Variants in CACNA1D observed in about 807,000 individuals in gnomAD.
CACNA1D encodes calcium voltage-gated channel subunit alpha1 D, also known as voltage-dependent L-type calcium channel subunit alpha-1D.
CACNA1D carries 55 observed loss-of-function variants against 257.1 expected under a neutral mutation model. The observed-to-expected ratio is 0.21, with a 90% CI of 0.17 to 0.27. The LOEUF (loss-of-function observed/expected upper bound fraction) is 0.27. CACNA1D is among the 10% of genes least tolerant of loss of function. CACNA1D has a pLI of 1.00. For synonymous variants in CACNA1D, 980 were observed against 1,014.9 expected (o/e 0.97, Z 0.65); for missense variants, 1,876 against 2,784.0 (o/e 0.67, Z 7.34).
At chr3:53,586,183 C>T (rs1050111692) in intron 3 of CACNA1D, among the ~76,000 whole-genome samples, 32 of 151,892 alleles carry the variant, frequency 2.1e-4, no homozygotes, top group Non-Finnish European at 4.4e-5. Context: ...AGAGAAGGGG[C>T]TGGGGGACAA....
chr3:53,742,185 C>T (rs905816980), intron 21 of CACNA1D, among the ~76,000 whole-genome samples: 2 of 152,152 alleles, frequency 1.3e-5, no homozygotes, highest in Non-Finnish European at 2.9e-5. Flanking sequence ...TGAACACTGG[C>T]GATTTCATAA....
At position 53,723,974 on chromosome 3, in the gene CACNA1D, C is replaced by G. The variant is rs1411664894; in HGVS notation, c.2075C>G (p.Pro692Arg). ...QTKRSTFDNF[P>R]QALLTVFQIL... ...AAGCGGAGCACCTTTGACAATTTCC[C>G]TCAAGCACTTCTCACAGTGTTCCAG... is the stretch of plus-strand genomic sequence containing the variant. The change falls in exon 14 of 48, where the codon CCT (proline) becomes CGT (arginine). Residue 692 changes from proline (P) to arginine (R), a missense_variant. Pro to Arg is a moderately radical substitution (Grantham distance 103). Around this residue, in one of 10 missense-constraint regions of CACNA1D, gnomAD observed 257 missense variants for 399.7 expected, o/e 0.64. Coordinates refer to ENST00000350061, the MANE Select transcript of CACNA1D (RefSeq NM_001128840.3). This position sits in a 1 kb window ranked among gnomAD's most constrained non-coding sequence, Gnocchi z 5.6. 1.2e-6 allele frequency: 2 copies of G among 1,614,150 alleles called. No individual in the cohort carries two copies. The highest frequency in any genetic ancestry group is 3.3e-5 in the Admixed American group (2 of 60,024).
intron 43 of CACNA1D, 79 bp downstream of exon 43, chr3:53,802,252 G>T: frequency 1.8e-6 from 2 of 1,100,730 alleles, no homozygotes; most frequent in South Asian, 2.5e-5. Context: ...GCTGAAGAAT[G>T]AGAAACACTT....
chr3:53,645,286 G>A (rs932123591), intron 3 of CACNA1D, among the ~76,000 whole-genome samples: 4 of 152,052 alleles, frequency 2.6e-5, no homozygotes, highest in Admixed American at 6.6e-5. Flanking sequence ...TATTCTGGTG[G>A]TTTTCCCTTT....
At chr3:53,747,139 G>A (rs55954338) in intron 25 of CACNA1D, among the ~76,000 whole-genome samples, 163 bp from the exon 26 acceptor site, 183 of 152,344 alleles carry the variant, frequency 1.2e-3, no homozygotes, top group Middle Eastern at 0.01. Context: ...AATGGAGGGC[G>A]AGGAGAGGAG....
At chr3:53,750,096 CTT>C (rs989756468) in intron 27 of CACNA1D, among the ~76,000 whole-genome samples, 1 of 152,218 alleles carries the variant, frequency 6.6e-6, no homozygotes, top group African/African-American at 2.4e-5. Flanking sequence ...AAGTCAGTAA[CTT>C]TGAATTTGGG....
rs932356689 is a variant in CACNA1D at position 53,798,771 on chromosome 3, G to T, written c.4924-1478G>T. On this transcript the variant is annotated intron_variant, in intron 40 of 47. Transcript: ENST00000350061. ...ATTATCATCACCAGCACTGGCATTG[G>T]CAACTGCAGGAGACCAGTTTTGAGC... Among the ~76,000 whole-genome samples, 4 of 152,258 alleles carry T rather than the reference G, an allele frequency of 2.6e-5. No individual in the cohort carries two copies. In the East Asian group the frequency reaches 7.7e-4, roughly 29 times the overall value.
intron 40 of CACNA1D, chr3:53,797,803 T>C (rs1329556094): frequency 6.6e-6 from 1 of 152,234 alleles, no homozygotes; most frequent in Non-Finnish European, 1.5e-5. Context: ...GTCCAATCAG[T>C]TGAATGACAG....
rs1001313477 is a variant in CACNA1D at position 53,812,559 on chromosome 3, G to A, written c.*1153G>A. 1 of 144,976 alleles carries A rather than the reference G, an allele frequency of 6.9e-6. No homozygotes were observed. The highest frequency in any genetic ancestry group is 2.7e-5 in the African/African-American group (1 of 37,124). 9.0% of individuals were successfully genotyped at this position (144,976 alleles called of 1,614,324 possible). On this transcript the variant is annotated 3_prime_UTR_variant, in exon 48 of 48. Transcript: ENST00000350061. ...TCCACCATGGGTTGCAACTGTCTTT[G>A]GTTTTGTTTGTTTGACTTGAACCAC...
chr3:53,554,732 C>T (rs6445585), intron 3 of CACNA1D, among the ~76,000 whole-genome samples: 11,129 of 152,228 alleles, frequency 0.073, 1,223 homozygotes, highest in African/African-American at 0.22. Context: ...TGGCTTACAT[C>T]TTATCCATTT....
Position 53,800,871 on chromosome 3 carries a change from C to T in CACNA1D, c.5041-187C>T. The stretch of plus-strand genomic sequence containing the variant: ...AGCTCAGGAAATCGGTAACCTTCCT[C>T]ATCTCGGGGGGACCAACTGCCACAC... On this transcript the variant is annotated intron_variant, in intron 41 of 47. Transcript: ENST00000350061. The surrounding 1 kb of genome is among the most constrained non-coding windows in gnomAD (Gnocchi z 4.3). 4.6e-6 allele frequency: 3 copies of T among 646,898 alleles called. No homozygotes were observed. Among genetic ancestry groups the T allele is most frequent in the South Asian group, 1.8e-5 (1 of 55,318 alleles). The allele number at this position is 646,898 out of a possible 1,614,324, so 40.1% of individuals were successfully genotyped here.
intron 3 of CACNA1D, among the ~76,000 whole-genome samples, chr3:53,511,117 T>C (rs2091089023): frequency 6.6e-6 from 1 of 152,228 alleles, no homozygotes; most frequent in Admixed American, 6.5e-5. Flanking sequence ...ATGTCTCTGA[T>C]GTCCCGTGTT....
At position 53,506,758 on chromosome 3, in the gene CACNA1D, C is replaced by T. The variant is rs930954281; in HGVS notation, c.483+5038C>T. On this transcript the variant is annotated intron_variant, in intron 3 of 47. Transcript: ENST00000350061. ...TAATTTCAGGAGTATATCTTTCTTT[C>T]TTGGCAAATTTAACTATTAAAGAGA... is the stretch of plus-strand genomic sequence containing the variant. Among the ~76,000 whole-genome samples the T allele has an allele frequency of 3.3e-5, 5 of 152,198 alleles. No homozygotes were observed. In the East Asian group the frequency reaches 9.6e-4, roughly 29 times the overall value.
At chr3:53,700,555 G>A (rs184410577) in intron 8 of CACNA1D, among the ~76,000 whole-genome samples, 203 of 152,272 alleles carry the variant, frequency 1.3e-3, no homozygotes, top group African/African-American at 4.6e-3. Context: ...AGGAAACCCC[G>A]GAGGCCTAGA....
At chr3:53,499,209 G>A (rs900689815) in intron 2 of CACNA1D, among the ~76,000 whole-genome samples, 3 of 152,200 alleles carry the variant, frequency 2.0e-5, no homozygotes, top group African/African-American at 7.2e-5. Context: ...CCAGTTGCCA[G>A]ACACATGTGT....
At position 53,543,910 on chromosome 3, in the gene CACNA1D, A is replaced by C. The variant is rs373636731; in HGVS notation, c.483+42190A>C. Among the ~76,000 whole-genome samples, 8 of 152,350 alleles carry C rather than the reference A, an allele frequency of 5.3e-5. No individual in the cohort carries two copies. In the East Asian group the frequency reaches 5.8e-4, roughly 11 times the overall value. On this transcript the variant is annotated intron_variant, in intron 3 of 47. Transcript: ENST00000350061. Reference sequence around the variant, plus strand: ...ATAATGCAAATTAGGCAAGAAAAGCACAAAGAAGAAAATAAGAATCATCCA... The same window carrying C: ...ATAATGCAAATTAGGCAAGAAAAGCCCAAAGAAGAAAATAAGAATCATCCA...
At chr3:53,778,925 C>T (rs7637908) in intron 37 of CACNA1D, among the ~76,000 whole-genome samples, 4,191 of 152,306 alleles carry the variant, frequency 0.028, 211 homozygotes, top group African/African-American at 0.096. Context: ...TAATGGATCC[C>T]GTCGGTTGAG....
At chr3:53,732,106 G>A (rs111685198) in intron 18 of CACNA1D, 24 bp downstream of exon 18, 399 of 1,566,392 alleles carry the variant, frequency 2.5e-4, no homozygotes, top group African/African-American at 1.0e-3. Context: ...GGCCGGAGAC[G>A]CTGGCTTTGC....
At chr3:53,763,058 A>T (rs568820458) in intron 30 of CACNA1D, among the ~76,000 whole-genome samples, 13 of 152,102 alleles carry the variant, frequency 8.5e-5, no homozygotes, top group Admixed American at 4.6e-4. Flanking sequence ...CAGGCAGGAG[A>T]CCCCACAGCC....
Sources: allele counts gnomAD v4.1 joint callset (sites outside exome capture counted in the v4.1 genomes callset), GRCh38; gene constraint gnomAD v4.1.1; regional missense constraint gnomAD v4.1.1; non-coding constraint Gnocchi (gnomAD v3.1); transcripts MANE v1.5; gene names NCBI Gene and HGNC (gene_info 2026-07-23, HGNC 2026-07-21).